The following NAA35 variants were observed in gnomAD, a reference collection of about 807,000 sequenced individuals.
NAA35 encodes N-alpha-acetyltransferase 35, NatC auxiliary subunit, also known as MAK10 homolog, amino-acid N-acetyltransferase subunit.
NAA35 carries 18 observed loss-of-function variants against 101.7 expected under a neutral mutation model. That is an observed-to-expected ratio of 0.18 (90% CI 0.12 to 0.26). NAA35 has a LOEUF of 0.26. Ranked by LOEUF, NAA35 falls within the 10% of genes least tolerant of loss-of-function variation. The pLI, the probability that NAA35 is intolerant of heterozygous loss-of-function variation, is 1.00. For synonymous variants in NAA35, 267 were observed against 273.1 expected, an observed-to-expected ratio of 0.98 and a Z score of 0.22; for missense variants, 601 against 886.8, an observed-to-expected ratio of 0.68 and a Z score of 4.09.
rs770844217 is a variant in NAA35, at chr9:86,013,095, G to A, written c.1340G>A (p.Arg447Lys). Residue 447 changes from arginine (R) to lysine (K), a missense_variant, in exon 16 of 23, where the codon AGA becomes AAA. Physicochemically the swap from Arg to Lys is conservative, Grantham distance 26. Coordinates refer to ENST00000361671, the MANE Select transcript of NAA35 (RefSeq NM_024635.4). ...CATGGACATAACAGGGCTCGACAGA[G>A]AGATAAGCTTGGTCATATTCTTGAG... ...QIHGHNRARQRDKLGHILEEF... is the reference protein window; with the variant it reads ...QIHGHNRARQKDKLGHILEEF... The A allele has an allele frequency of 6.3e-7, 1 of 1,596,600 alleles. No homozygotes were observed. The highest frequency in any genetic ancestry group is 8.6e-7 in the Non-Finnish European group (1 of 1,167,822).
At chr9:85,990,633 TCA>T (rs1434510035) in intron 11 of NAA35, among the ~76,000 whole-genome samples, 1 of 152,188 alleles carries the variant, frequency 6.6e-6, no homozygotes, top group Non-Finnish European at 1.5e-5. Flanking sequence ...ATAACAAAAC[TCA>T]GTTCTGATTC....
At chr9:85,993,466 G>T (rs892747045) in intron 11 of NAA35, among the ~76,000 whole-genome samples, 3 of 152,158 alleles carry the variant, frequency 2.0e-5, no homozygotes, top group Admixed American at 1.3e-4. Flanking sequence ...ACCATGTCCG[G>T]CTAGGAAAGG....
Position 86,018,729 on chromosome 9 carries a change from C to T in NAA35, c.1945C>T (p.Pro649Ser). 6.2e-7 allele frequency: 1 copy of T among 1,614,024 alleles called. No individual in the cohort carries two copies. The highest frequency in any genetic ancestry group is 1.1e-5 in the South Asian group (1 of 91,036). ...EMSDLNKYSP[P>S]PQSPELYVAA... Reference sequence around the variant, plus strand: ...GTCTGACCTCAATAAATATAGCCCTCCTCCTCAGTCTCCTGAACTGTATGT... The same window carrying T: ...GTCTGACCTCAATAAATATAGCCCTTCTCCTCAGTCTCCTGAACTGTATGT... The change falls in exon 21 of 23, where the codon CCT becomes TCT. Residue 649 changes from proline (P) to serine (S), a missense_variant. This residue lies in a region of NAA35 where 90 missense variants were observed against 108.7 expected (regional missense o/e 0.83). Coordinates refer to ENST00000361671, the MANE Select transcript of NAA35 (RefSeq NM_024635.4).
chr9:86,006,195 C>A (rs565664262), intron 13 of NAA35, among the ~76,000 whole-genome samples: 1 of 151,998 alleles, frequency 6.6e-6, no homozygotes, highest in South Asian at 2.1e-4. Flanking sequence ...CTGATAATAC[C>A]AAGTGCTGGT....
At chr9:86,007,291 T>C in intron 13 of NAA35, 67 bp from the exon 14 acceptor site, 1 of 1,147,680 alleles carries the variant, frequency 8.7e-7, no homozygotes, top group South Asian at 1.4e-5. Flanking sequence ...TTTATAAGTA[T>C]ACTGATTTTA....
rs1829540328 is a variant in NAA35 at position 85,962,127 on chromosome 9, A to C, written c.463A>C (p.Lys155Gln). 2.5e-6 allele frequency: 4 copies of C among 1,614,190 alleles called. No homozygotes were observed. The highest frequency in any genetic ancestry group is 3.4e-6 in the Non-Finnish European group (4 of 1,180,032). ...GAAGGCTTTTGCTCTGGGAATCTTG[A>C]AAATCTGTGACATTGCAAGGGAAAA... Reference protein sequence around the residue: ...AMKAFALGILKICDIAREKVN... With the variant: ...AMKAFALGILQICDIAREKVN... The change falls in exon 6 of 23, where the codon AAA becomes CAA. Residue 155 changes from lysine to glutamine, a missense_variant. Coordinates refer to ENST00000361671, the MANE Select transcript of NAA35 (RefSeq NM_024635.4).
Position 86,018,802 on chromosome 9 carries a change from T to A in NAA35, c.2018T>A (p.Ile673Asn). 6.2e-7 allele frequency: 1 copy of A among 1,614,092 alleles called. No homozygotes were observed. The highest frequency in any genetic ancestry group is 8.5e-7 in the Non-Finnish European group (1 of 1,180,002). ...FQQAKMILEN[I>N]PNPDHEVNRI... is the part of the protein sequence containing the mutation. ...CAGGCAAAAATGATATTGGAAAATA[T>A]TCCTAACCCGGACCATGAGGTGAGA... Residue 673 changes from isoleucine (I) to asparagine (N), a missense_variant, in exon 21 of 23, where the codon ATT becomes AAT. By Grantham distance (149) the Ile-to-Asn change is moderately radical (BLOSUM62 -3). This residue lies in a region of NAA35 where 90 missense variants were observed against 108.7 expected (regional missense o/e 0.83). Coordinates refer to ENST00000361671, the MANE Select transcript of NAA35 (RefSeq NM_024635.4).
chr9:85,941,637 ACCCT>A lies in NAA35; in HGVS notation c.-6+365_-6+368del, dbSNP rs1828521253. 3 of 986,130 alleles carry A rather than the reference ACCCT, an allele frequency of 3.0e-6. No homozygotes were observed. In the East Asian group the frequency reaches 3.4e-4, roughly 112 times the overall value. The allele number at this position is 986,130 out of a possible 1,614,324, so 61.1% of individuals were successfully genotyped here. On this transcript the variant is annotated intron_variant, in intron 1 of 22. Transcript: ENST00000361671. ...CTCGGCCCTAGGCCCGGCCGGCGGGACCCTGCGGTGCCTGCCGGCTCCTCATTGC... is the reference window on the plus strand; with the variant it reads ...CTCGGCCCTAGGCCCGGCCGGCGGGAGCGGTGCCTGCCGGCTCCTCATTGC...
In NAA35 at chr9:86,010,004, A is replaced by ATGC; in HGVS notation, c.1290+73_1290+74insTGC. On this transcript the variant is annotated intron_variant, in intron 15 of 22. Coordinates refer to ENST00000361671, the MANE Select transcript of NAA35 (RefSeq NM_024635.4). ...GGGCTGTGGCCGGGCACGGTGGCTC[A>ATGC]CTTTGGGAGGCTGAGGCAGGTGGAT... is the stretch of plus-strand genomic sequence containing the variant. 3 of 1,223,030 alleles carry ATGC rather than the reference A, an allele frequency of 2.5e-6. No homozygotes were observed. In the South Asian group the frequency reaches 3.7e-5, roughly 15 times the overall value. 75.8% of individuals were successfully genotyped at this position (1,223,030 alleles called of 1,614,324 possible).
chr9:85,946,922 T>A (rs769174813), intron 2 of NAA35, among the ~76,000 whole-genome samples: 129 of 152,334 alleles, frequency 8.5e-4, no homozygotes, highest in Non-Finnish European at 1.4e-3. Flanking sequence ...TTGCCTCTTG[T>A]AAAACTTGGG....
chr9:85,949,975 A>G (rs1449699774), intron 2 of NAA35, among the ~76,000 whole-genome samples: 1 of 152,190 alleles, frequency 6.6e-6, no homozygotes, highest in East Asian at 1.9e-4. Flanking sequence ...TCTTGTTAGT[A>G]TACGGTGGAA....
intron 5 of NAA35, among the ~76,000 whole-genome samples, 181 bp downstream of exon 5, chr9:85,960,048 A>G (rs1358051608): frequency 6.6e-6 from 1 of 152,218 alleles, no homozygotes; most frequent in East Asian, 1.9e-4. Context: ...ACTTGATTTT[A>G]CATTCTAATT....
rs1346146117 is a variant in NAA35, at chr9:86,013,705, T to C, written c.1390-14T>C. 1 of 1,607,334 alleles carries C rather than the reference T, an allele frequency of 6.2e-7. No individual in the cohort carries two copies. Among genetic ancestry groups the C allele is most frequent in the African/African-American group, 1.3e-5 (1 of 74,814 alleles). ...AACAAAACGAACACAGTTTATGACA[T>C]TTTATTTTAATAGGCAGAGAAGGTT... On this transcript the variant is annotated splice_polypyrimidine_tract_variant and intron_variant, in intron 16 of 22. Coordinates refer to ENST00000361671, the MANE Select transcript of NAA35 (RefSeq NM_024635.4).
In NAA35 at chr9:85,969,859, T is replaced by TAAAA. The variant is rs76512245; in HGVS notation, c.517-5093_517-5090dup. On this transcript the variant is annotated intron_variant, in intron 6 of 22. Transcript: ENST00000361671. ...TGGATGGTCAAATGACTCTGTCTCT[T>TAAAA]AAAAAAAAAAAAAAAAAAGATGTGT... is the stretch of plus-strand genomic sequence containing the variant. 3.0e-5 allele frequency among the ~76,000 whole-genome samples: 4 copies of TAAAA among 134,844 alleles called. No homozygotes were observed. In the South Asian group the frequency reaches 7.2e-4, roughly 24 times the overall value. 88.5% of individuals were successfully genotyped at this position (134,844 alleles called of 152,430 possible).
At position 85,987,574 on chromosome 9, in the gene NAA35, G is replaced by A. The variant is rs182787501; in HGVS notation, c.878-8825G>A. On this transcript the variant is annotated intron_variant, in intron 11 of 22. Coordinates refer to ENST00000361671, the MANE Select transcript of NAA35 (RefSeq NM_024635.4). ...TTTTTCTGTTTTTAAAAAAGTCCGT[G>A]CATACCCACACATGTGTGCTTGTGT... Among the ~76,000 whole-genome samples the A allele has an allele frequency of 2.9e-3, 439 of 152,288 alleles. 5 individuals are homozygous for A. The South Asian group carries it at 0.034, about 12-fold the overall frequency.
At chr9:85,954,273 G>A (rs1200821466) in intron 2 of NAA35, among the ~76,000 whole-genome samples, 1 of 152,166 alleles carries the variant, frequency 6.6e-6, no homozygotes, top group African/African-American at 2.4e-5. Flanking sequence ...TATAGATACA[G>A]GGTCTCACAG....
rs1283541405 is a variant in NAA35, at chr9:86,025,098, A to G, written c.*3138A>G. Among the ~76,000 whole-genome samples, 3 of 152,218 alleles carry G rather than the reference A, an allele frequency of 2.0e-5. No homozygotes were observed. The highest frequency in any genetic ancestry group is 4.4e-5 in the Non-Finnish European group (3 of 68,042). ...ACTCTAAGACAGTATACTGCCTTAA[A>G]TAAAGTGCACCCTGTTTGGAAAAGT... On this transcript the variant is annotated 3_prime_UTR_variant, in exon 23 of 23. Coordinates refer to ENST00000361671, the MANE Select transcript of NAA35 (RefSeq NM_024635.4).
At chr9:85,957,296 G>A (rs1829318541) in intron 3 of NAA35, among the ~76,000 whole-genome samples, 1 of 152,220 alleles carries the variant, frequency 6.6e-6, no homozygotes. Context: ...TGTTCATTAA[G>A]TGGATCATCA....
intron 17 of NAA35, 76 bp downstream of exon 17, chr9:86,013,973 G>T: frequency 8.3e-7 from 1 of 1,197,920 alleles, no homozygotes; most frequent in Non-Finnish European, 1.1e-6. Context: ...TAATTTCAGG[G>T]TACTTTTTCA....
Sources: gnomAD v4.1 joint callset for allele counts (sites outside exome capture counted in the v4.1 genomes callset) on GRCh38, gnomAD v4.1.1 for gene constraint, gnomAD v4.1.1 regional missense constraint, MANE v1.5 for transcripts, NCBI Gene and HGNC (gene_info 2026-07-23, HGNC 2026-07-21) for gene names.